Variants in SLC9A9 observed in about 807,000 individuals in gnomAD.
The protein encoded by SLC9A9 is solute carrier family 9 member A9.
In SLC9A9, 62 loss-of-function variants were observed where a neutral mutation model predicts 77.8. The ratio of observed to expected loss-of-function variants is 0.80; its 90% CI spans 0.65 to 0.98. The LOEUF is 0.98. Ranked by LOEUF, SLC9A9 falls within the 50% of genes least tolerant of loss-of-function variation. The pLI is 0.00. For synonymous variants in SLC9A9, 320 were observed against 283.5 expected (o/e 1.13, Z -1.29); for missense variants, 775 against 774.9 (o/e 1.00, Z 0.00).
chr3:143,366,043 G>A (rs2032890920), intron 13 of SLC9A9, among the ~76,000 whole-genome samples: 2 of 152,162 alleles, frequency 1.3e-5, no homozygotes, highest in Non-Finnish European at 1.5e-5. Context: ...CATTTAAAAA[G>A]CTGATAAAAA....
At chr3:143,530,613 T>G (rs1687287669) in intron 9 of SLC9A9, among the ~76,000 whole-genome samples, 1 of 152,216 alleles carries the variant, frequency 6.6e-6, no homozygotes, top group South Asian at 2.1e-4. Flanking sequence ...TGTGCATGCA[T>G]TATCTCAAGT....
intron 9 of SLC9A9, among the ~76,000 whole-genome samples, chr3:143,532,370 T>C (rs1268250038): frequency 6.6e-6 from 1 of 152,182 alleles, no homozygotes; most frequent in Non-Finnish European, 1.5e-5. Context: ...ACAAAAACTC[T>C]TTGGGGCCTC....
At chr3:143,820,466 C>T (rs1272830459) in intron 2 of SLC9A9, among the ~76,000 whole-genome samples, 1 of 152,210 alleles carries the variant, frequency 6.6e-6, no homozygotes, top group South Asian at 2.1e-4. Context: ...ATCGTACATC[C>T]TGGGTTTCCT....
intron 14 of SLC9A9, among the ~76,000 whole-genome samples, chr3:143,354,042 A>G (rs974467188): frequency 1.3e-5 from 2 of 152,188 alleles, no homozygotes; most frequent in Non-Finnish European, 1.5e-5. Flanking sequence ...GCTTGACTTC[A>G]AAGGCTTATT....
chr3:143,398,125 T>C lies in SLC9A9; in HGVS notation c.1470-16011A>G, dbSNP rs180989210. 5.3e-5 allele frequency among the ~76,000 whole-genome samples: 8 copies of C among 152,262 alleles called. No individual in the cohort carries two copies. The East Asian group carries it at 1.2e-3, about 22-fold the overall frequency. ...CCCCCGCCACCACCTTACCACCACA[T>C]TGGCTTTGACTATTCATAGGGAAAG... On this transcript the variant is annotated intron_variant, in intron 12 of 15. Coordinates refer to ENST00000316549, the MANE Select transcript of SLC9A9 (RefSeq NM_173653.4).
intron 6 of SLC9A9, among the ~76,000 whole-genome samples, chr3:143,645,257 G>A (rs1280476472): frequency 6.6e-6 from 1 of 152,100 alleles, no homozygotes; most frequent in Non-Finnish European, 1.5e-5. Context: ...TAAGGAACTC[G>A]AAATCTACTT....
chr3:143,327,264 GA>G (rs201592118), intron 14 of SLC9A9, among the ~76,000 whole-genome samples: 17 of 151,300 alleles, frequency 1.1e-4, no homozygotes, highest in African/African-American at 3.6e-4. Context: ...ATTAATTAGA[GA>G]AAAAAAAATC....
intron 2 of SLC9A9, among the ~76,000 whole-genome samples, chr3:143,821,752 A>C (rs12637090): frequency 0.55 from 83,352 of 152,110 alleles, 26,089 homozygotes; most frequent in Non-Finnish European, 0.69. Flanking sequence ...AGGCTCACAA[A>C]GTTGTTGAAT....
At chr3:143,817,445 G>A (rs986226434) in intron 2 of SLC9A9, among the ~76,000 whole-genome samples, 1 of 152,268 alleles carries the variant, frequency 6.6e-6, no homozygotes, top group Non-Finnish European at 1.5e-5. Flanking sequence ...ACCGCGCCCG[G>A]CCAAAAGTTT....
intron 4 of SLC9A9, among the ~76,000 whole-genome samples, chr3:143,700,975 T>G (rs1205359100): frequency 6.6e-6 from 1 of 152,228 alleles, no homozygotes; most frequent in African/African-American, 2.4e-5. Context: ...TCCATTTGTT[T>G]GGGAGAAAGT....
chr3:143,477,722 C>CTTATCA (rs2035504517), intron 11 of SLC9A9, among the ~76,000 whole-genome samples: 1 of 152,076 alleles, frequency 6.6e-6, no homozygotes, highest in South Asian at 2.1e-4. Context: ...TATGGTTCTG[C>CTTATCA]GTCAACCTAT....
intron 14 of SLC9A9, among the ~76,000 whole-genome samples, chr3:143,307,791 A>AT (rs1436480802): frequency 1.3e-5 from 2 of 152,170 alleles, no homozygotes; most frequent in South Asian, 2.1e-4. Flanking sequence ...AAGGACCTAC[A>AT]TGCAACCCAC....
intron 12 of SLC9A9, among the ~76,000 whole-genome samples, chr3:143,443,508 T>C (rs1559918047): frequency 6.6e-6 from 1 of 152,144 alleles, no homozygotes; most frequent in East Asian, 1.9e-4. Context: ...AAGAACTAGA[T>C]AAACAAATAA....
chr3:143,452,624 G>C (rs567921989), intron 12 of SLC9A9, among the ~76,000 whole-genome samples: 39 of 151,110 alleles, frequency 2.6e-4, no homozygotes, highest in Admixed American at 1.7e-3. Flanking sequence ...TGATAATACT[G>C]TCAATTGTTA....
chr3:143,656,125 A>T (rs2038883568), intron 5 of SLC9A9, among the ~76,000 whole-genome samples: 1 of 152,218 alleles, frequency 6.6e-6, no homozygotes, highest in Non-Finnish European at 1.5e-5. Flanking sequence ...GAAACACATG[A>T]GTTAGAGGCT....
At chr3:143,724,064 CA>C (rs1438728613) in intron 4 of SLC9A9, among the ~76,000 whole-genome samples, 1 of 152,162 alleles carries the variant, frequency 6.6e-6, no homozygotes, top group Admixed American at 6.5e-5. Context: ...AAGCCCACTG[CA>C]GCGATTGTTT....
At chr3:143,695,818 G>A (rs188944490) in intron 4 of SLC9A9, among the ~76,000 whole-genome samples, 142 of 151,960 alleles carry the variant, frequency 9.3e-4, no homozygotes, top group African/African-American at 3.1e-3. Context: ...AGCAGCTGTT[G>A]TTTCCTGACT....
chr3:143,409,339 C>T (rs2034048325), intron 12 of SLC9A9, among the ~76,000 whole-genome samples: 1 of 152,284 alleles, frequency 6.6e-6, no homozygotes, highest in East Asian at 1.9e-4. Context: ...TTTTCAGGCA[C>T]AGGTGACACA....
intron 2 of SLC9A9, among the ~76,000 whole-genome samples, chr3:143,824,491 T>A (rs1253537557): frequency 6.6e-6 from 1 of 152,158 alleles, no homozygotes; most frequent in Admixed American, 6.5e-5. Flanking sequence ...GACCCTTCAC[T>A]CCGAACCTTC....
Sources: gnomAD v4.1 joint callset for allele counts (sites outside exome capture counted in the v4.1 genomes callset) on GRCh38, gnomAD v4.1.1 for gene constraint, MANE v1.5 for transcripts, NCBI Gene and HGNC (gene_info 2026-07-23, HGNC 2026-07-21) for gene names.